EPHA4: variants seen among roughly 807,000 people sequenced by gnomAD.
EPHA4 encodes EPH receptor A4.
A neutral mutation model predicts 108.3 loss-of-function variants in EPHA4; 19 were observed. The observed-to-expected ratio is 0.18, with a 90% CI of 0.12 to 0.26. The LOEUF (loss-of-function observed/expected upper bound fraction) is 0.26, where lower values mean the gene tolerates loss of function less well. EPHA4 is among the 10% of genes least tolerant of loss of function. The pLI, the probability that EPHA4 is intolerant of heterozygous loss-of-function variation, is 1.00. For missense variants in EPHA4, 917 were observed against 1,254.0 expected (o/e 0.73, Z 4.06); for synonymous variants, 449 against 455.5 (o/e 0.99, Z 0.18).
chr2:221,541,027 AC>A (rs1410550012), intron 3 of EPHA4, among the ~76,000 whole-genome samples: 3 of 141,494 alleles, frequency 2.1e-5, no homozygotes, highest in African/African-American at 8.0e-5. Context: ...GCTCACTGCC[AC>A]CTCAAACTCC....
intron 11 of EPHA4, among the ~76,000 whole-genome samples, chr2:221,439,295 T>C (rs1014970804): frequency 1.3e-5 from 2 of 150,456 alleles, no homozygotes; most frequent in African/African-American, 2.5e-5. Flanking sequence ...CTCAGATTCA[T>C]TTACCCTCTA....
At chr2:221,556,743 A>C (rs940376322) in intron 3 of EPHA4, among the ~76,000 whole-genome samples, 4 of 152,136 alleles carry the variant, frequency 2.6e-5, no homozygotes, top group Non-Finnish European at 4.4e-5. Flanking sequence ...ATTTTTGAGA[A>C]AGGGATAGAA....
At chr2:221,455,745 A>T in intron 7 of EPHA4, 87 bp from the exon 8 acceptor site, 1 of 930,846 alleles carries the variant, frequency 1.1e-6, no homozygotes, top group Non-Finnish European at 1.7e-6. Context: ...CAGTGTTCTG[A>T]AGCCACTTGG....
At chr2:221,549,465 T>C (rs1314097192) in intron 3 of EPHA4, among the ~76,000 whole-genome samples, 1 of 152,212 alleles carries the variant, frequency 6.6e-6, no homozygotes, top group Non-Finnish European at 1.5e-5. Context: ...GCTGTTGGTC[T>C]CTCAATAAAA....
intron 3 of EPHA4, among the ~76,000 whole-genome samples, chr2:221,546,845 G>C (rs1461268775): frequency 6.6e-6 from 1 of 152,166 alleles, no homozygotes; most frequent in Non-Finnish European, 1.5e-5. Flanking sequence ...CTTGTATATA[G>C]ATAGCTAGTC....
chr2:221,562,994 A>G (rs141866633), intron 3 of EPHA4, among the ~76,000 whole-genome samples: 1 of 152,358 alleles, frequency 6.6e-6, no homozygotes, highest in East Asian at 1.9e-4. Flanking sequence ...CAAAAACTCA[A>G]TAACTGAAAT....
intron 3 of EPHA4, among the ~76,000 whole-genome samples, chr2:221,520,506 C>CCACACA (rs61047207): frequency 7.0e-6 from 1 of 142,044 alleles, no homozygotes; most frequent in East Asian, 2.2e-4. Context: ...TTTCCTCTAA[C>CCACACA]CACACACACA....
intron 3 of EPHA4, among the ~76,000 whole-genome samples, chr2:221,534,722 T>G (rs1209315009): frequency 6.6e-6 from 1 of 152,232 alleles, no homozygotes; most frequent in Non-Finnish European, 1.5e-5. Flanking sequence ...AGCTGAAAAT[T>G]TAATTTTATG....
intron 4 of EPHA4, among the ~76,000 whole-genome samples, chr2:221,489,493 C>T (rs12479119): frequency 0.42 from 64,181 of 151,928 alleles, 13,652 homozygotes; most frequent in East Asian, 0.53. Context: ...TTCTCACTCC[C>T]GGCCCTTTGA....
At chr2:221,512,198 A>G (rs1438846743) in intron 3 of EPHA4, among the ~76,000 whole-genome samples, 1 of 152,208 alleles carries the variant, frequency 6.6e-6, no homozygotes, top group African/African-American at 2.4e-5. Context: ...TGAAGTTTAT[A>G]TTAGGAATAG....
chr2:221,437,261 C>T lies in EPHA4; in HGVS notation c.2075-139G>A, dbSNP rs1300391995. ...TAATTAAAACAAGCCAAGCTTATGCCTCAGCTGTGGGGAGCTAGGAATGAA... is the reference window on the plus strand; with the variant it reads ...TAATTAAAACAAGCCAAGCTTATGCTTCAGCTGTGGGGAGCTAGGAATGAA... On this transcript the variant is annotated intron_variant, in intron 11 of 17. Transcript: ENST00000281821. 4 of 601,238 alleles carry T rather than the reference C, an allele frequency of 6.7e-6. No homozygotes were observed. In the South Asian group the frequency reaches 6.7e-5, roughly 10 times the overall value. The allele number at this position is 601,238 out of a possible 1,614,324, so 37.2% of individuals were successfully genotyped here. A position where few individuals can be genotyped will look rare whatever the true frequency, so the allele number is the denominator to read the frequency against.
At chr2:221,460,986 C>A (rs956532359) in intron 5 of EPHA4, among the ~76,000 whole-genome samples, 1 of 152,110 alleles carries the variant, frequency 6.6e-6, no homozygotes, top group Non-Finnish European at 1.5e-5. Context: ...ATCAATGAAA[C>A]CCTATAATTA....
chr2:221,435,283 G>C (rs1293333987), intron 13 of EPHA4, among the ~76,000 whole-genome samples: 1 of 152,086 alleles, frequency 6.6e-6, no homozygotes, highest in Non-Finnish European at 1.5e-5. Flanking sequence ...TTTGGCTAAG[G>C]TTTTATCTAT....
At chr2:221,462,219 A>G (rs1331026586) in intron 5 of EPHA4, among the ~76,000 whole-genome samples, 1 of 152,088 alleles carries the variant, frequency 6.6e-6, no homozygotes. Flanking sequence ...ATGACTATGT[A>G]AAAATCATAA....
intron 6 of EPHA4, 95 bp from the exon 7 acceptor site, chr2:221,456,867 C>G: frequency 7.2e-7 from 1 of 1,380,762 alleles, no homozygotes; most frequent in Admixed American, 1.9e-5. Flanking sequence ...CCAGTCAACT[C>G]AGAAACTGAA....
At chr2:221,509,769 C>T (rs1179154820) in intron 3 of EPHA4, among the ~76,000 whole-genome samples, 16 of 152,218 alleles carry the variant, frequency 1.1e-4, no homozygotes, top group African/African-American at 3.6e-4. Context: ...AAACTACAAA[C>T]AAATCAAAGG....
At chr2:221,454,580 C>T (rs1159870716) in intron 8 of EPHA4, among the ~76,000 whole-genome samples, 1 of 152,170 alleles carries the variant, frequency 6.6e-6, no homozygotes, top group African/African-American at 2.4e-5. Flanking sequence ...ACCAACAGCC[C>T]CATCTTGTGA....
In EPHA4 at chr2:221,427,051, G is replaced by A. The variant is rs1404680067; in HGVS notation, c.2691-432C>T. Among the ~76,000 whole-genome samples, 4 of 152,146 alleles carry A rather than the reference G, an allele frequency of 2.6e-5. No individual in the cohort carries two copies. The South Asian group carries it at 6.2e-4, about 24-fold the overall frequency. On this transcript the variant is annotated intron_variant, in intron 15 of 17. Coordinates refer to ENST00000281821, the MANE Select transcript of EPHA4 (RefSeq NM_004438.5). ...GTGAAGGATGAGTAAGGAAAACTGCGAGCTTGCCACCTGCCAGACTGGATG... is the reference window on the plus strand; with the variant it reads ...GTGAAGGATGAGTAAGGAAAACTGCAAGCTTGCCACCTGCCAGACTGGATG...
rs1485862687 is a variant in EPHA4 at position 221,420,068 on chromosome 2, A to C, written c.*1304T>G. 2 of 152,648 alleles carry C rather than the reference A, an allele frequency of 1.3e-5. No individual in the cohort carries two copies. Among genetic ancestry groups the C allele is most frequent in the African/African-American group, 2.4e-5 (1 of 41,460 alleles). The allele number at this position is 152,648 out of a possible 1,614,324, so 9.5% of individuals were successfully genotyped here. A position where few individuals can be genotyped will look rare whatever the true frequency, so the allele number is the denominator to read the frequency against. ...TCACTGCAATGGCACACCCTGGGTA[A>C]AATGTTACTTCCGCAATGCATATCA... On this transcript the variant is annotated 3_prime_UTR_variant, in exon 18 of 18. Transcript: ENST00000281821.
Sources: gnomAD v4.1 joint callset for allele counts (sites outside exome capture counted in the v4.1 genomes callset) on GRCh38, gnomAD v4.1.1 for gene constraint, MANE v1.5 for transcripts, NCBI Gene and HGNC (gene_info 2026-07-23, HGNC 2026-07-21) for gene names.